The following ATP2B2 variants were observed in gnomAD, a reference collection of about 807,000 sequenced individuals.
The protein encoded by ATP2B2 is plasma membrane calcium-transporting ATPase 2.
ATP2B2 carries 15 observed loss-of-function variants against 120.0 expected under a neutral mutation model. That is an observed-to-expected ratio of 0.12 (90% CI 0.08 to 0.19). The LOEUF (loss-of-function observed/expected upper bound fraction) is 0.19. Among genes scored for constraint, ATP2B2 ranks in the 10% least tolerant of loss-of-function variants. ATP2B2 has a pLI of 1.00. For missense variants in ATP2B2, 1,045 were observed against 1,719.8 expected, an observed-to-expected ratio of 0.61 and a Z score of 6.94; for synonymous variants, 694 against 700.3, an observed-to-expected ratio of 0.99 and a Z score of 0.14.
intron 1 of ATP2B2, among the ~76,000 whole-genome samples, chr3:10,642,542 C>A (rs1396978935): frequency 6.6e-6 from 1 of 152,188 alleles, no homozygotes; most frequent in Non-Finnish European, 1.5e-5. Context: ...CACACACGTA[C>A]ACACAATGTC....
intron 1 of ATP2B2, among the ~76,000 whole-genome samples, chr3:10,667,420 T>TA (rs903428660): frequency 4.6e-5 from 7 of 152,088 alleles, no homozygotes; most frequent in African/African-American, 1.7e-4. Flanking sequence ...CCTTTCTTCA[T>TA]AAAAATCCCC....
At chr3:10,487,075 T>C (rs1339261347) in intron 1 of ATP2B2, among the ~76,000 whole-genome samples, 3 of 152,196 alleles carry the variant, frequency 2.0e-5, no homozygotes, top group African/African-American at 7.2e-5. Context: ...TCCTCTGTCT[T>C]GTTTACCACT....
chr3:10,365,357 G>A (rs2061013421), intron 12 of ATP2B2, among the ~76,000 whole-genome samples: 1 of 152,190 alleles, frequency 6.6e-6, no homozygotes, highest in East Asian at 1.9e-4. Flanking sequence ...CAGGACCCCA[G>A]GTGGCACGAA....
chr3:10,571,440 G>A, intron 2 of ATP2B2, among the ~76,000 whole-genome samples: 1 of 152,246 alleles, frequency 6.6e-6, no homozygotes, highest in East Asian at 1.9e-4. Context: ...AGTCCCTAGA[G>A]GTAGGTTGCC....
At chr3:10,553,434 G>A (rs1559455226) in intron 2 of ATP2B2, among the ~76,000 whole-genome samples, 6 of 152,174 alleles carry the variant, frequency 3.9e-5, no homozygotes, top group Non-Finnish European at 8.8e-5. Flanking sequence ...TGGGATTGAG[G>A]GCTGGAAGTG....
In ATP2B2 at chr3:10,701,615, A is replaced by AT. The variant is rs1203099332; in HGVS notation, c.-460+6299dup. Among the ~76,000 whole-genome samples the AT allele has an allele frequency of 9.3e-3, 1,323 of 142,914 alleles. 10 individuals carry two copies. Among genetic ancestry groups the AT allele is most frequent in the African/African-American group, 0.024 (928 of 39,154 alleles). The allele number at this position is 142,914 out of a possible 152,430, so 93.8% of individuals were successfully genotyped here. The stretch of plus-strand genomic sequence containing the variant: ...CTATGTGCCCAGGTCTGAGGATGCA[A>AT]TTTTTTTTTTTTTTTAAGACAAGAC... On this transcript the variant is annotated intron_variant, in intron 1 of 21. Transcript: ENST00000646379.
Position 10,352,113 on chromosome 3 carries a change from A to T in ATP2B2, c.2137-1536T>A, listed in dbSNP as rs535398085. Among the ~76,000 whole-genome samples, 12 of 152,326 alleles carry T rather than the reference A, an allele frequency of 7.9e-5. No individual in the cohort carries two copies. In the South Asian group the frequency reaches 2.5e-3, roughly 32 times the overall value. ...GCCTTCAGCAATGGTAAAAACAAGG[A>T]ATCGGCCTTGACTATCTCGCCTGTA... On this transcript the variant is annotated intron_variant, in intron 14 of 22. Transcript: ENST00000360273.
chr3:10,637,782 C>T (rs942426230), intron 1 of ATP2B2, among the ~76,000 whole-genome samples: 3 of 152,004 alleles, frequency 2.0e-5, no homozygotes, highest in Admixed American at 6.6e-5. Context: ...TATAAACACA[C>T]AGGCCTAAGA....
At chr3:10,637,756 C>T (rs1162615349) in intron 1 of ATP2B2, among the ~76,000 whole-genome samples, 1 of 152,000 alleles carries the variant, frequency 6.6e-6, no homozygotes, top group Admixed American at 6.6e-5. Context: ...GAAAATTTTC[C>T]AAATTTGATA....
chr3:10,458,227 G>A (rs960176554), intron 1 of ATP2B2, among the ~76,000 whole-genome samples: 6 of 152,098 alleles, frequency 3.9e-5, no homozygotes, highest in Non-Finnish European at 8.8e-5. Flanking sequence ...CCCGGGCACT[G>A]GGACTATGAG....
intron 1 of ATP2B2, among the ~76,000 whole-genome samples, chr3:10,658,097 A>G (rs1255500381): frequency 6.6e-6 from 1 of 152,276 alleles, no homozygotes; most frequent in African/African-American, 2.4e-5. Flanking sequence ...CCCCATCTGT[A>G]CGTCACCATC....
chr3:10,340,461 C>A lies in ATP2B2; in HGVS notation c.3129+32G>T. On this transcript the variant is annotated intron_variant, in intron 20 of 22. Coordinates refer to ENST00000360273, the MANE Select transcript of ATP2B2 (RefSeq NM_001001331.4). This position sits in a 1 kb window ranked among gnomAD's most constrained non-coding sequence, Gnocchi z 5.0. ...GGGGCTCCAGCCGCTTGCTGCCCAC[C>A]CCGGGCCTGGTTAGGGTGGGGGCCT... The A allele has an allele frequency of 6.2e-7, 1 of 1,614,120 alleles. No individual in the cohort carries two copies. The highest frequency in any genetic ancestry group is 8.5e-7 in the Non-Finnish European group (1 of 1,179,974).
chr3:10,422,101 C>T (rs1575180142), intron 2 of ATP2B2, among the ~76,000 whole-genome samples: 1 of 152,300 alleles, frequency 6.6e-6, no homozygotes, highest in African/African-American at 2.4e-5. Context: ...CCACCATCCC[C>T]TAGAGGGAGG....
intron 3 of ATP2B2, among the ~76,000 whole-genome samples, chr3:10,525,547 A>G (rs1256629400): frequency 2.0e-5 from 3 of 151,624 alleles, no homozygotes; most frequent in African/African-American, 7.3e-5. Context: ...CTTTATTCAC[A>G]TTTCCTCTGT....
intron 2 of ATP2B2, among the ~76,000 whole-genome samples, chr3:10,610,248 C>A (rs1181061520): frequency 6.6e-6 from 1 of 151,718 alleles, no homozygotes; most frequent in Non-Finnish European, 1.5e-5. Flanking sequence ...GTCTGATGAT[C>A]ACATTCCTTG....
At chr3:10,528,271 A>G (rs990852051) in intron 3 of ATP2B2, among the ~76,000 whole-genome samples, 1 of 152,026 alleles carries the variant, frequency 6.6e-6, no homozygotes, top group Non-Finnish European at 1.5e-5. Context: ...ATCTGGCCCA[A>G]CCCAAGGAAG....
intron 1 of ATP2B2, among the ~76,000 whole-genome samples, chr3:10,644,021 T>C (rs1216393594): frequency 1.3e-5 from 2 of 152,206 alleles, no homozygotes; most frequent in African/African-American, 4.8e-5. Context: ...TTGCAGATCA[T>C]TGATCTGATA....
rs544984610 is a variant in ATP2B2, at chr3:10,402,606, A to G, written c.398-258T>C. ...AGAGGTCAGGTGACTTGCCCAAGCA[A>G]TGAAGGGCAAGTAGGAAGCTGGAAT... On this transcript the variant is annotated intron_variant, in intron 3 of 22. Transcript: ENST00000360273. This position sits in a 1 kb window ranked among gnomAD's most constrained non-coding sequence, Gnocchi z 4.9. Among the ~76,000 whole-genome samples the G allele has an allele frequency of 2.6e-5, 4 of 152,398 alleles. No homozygotes were observed. The South Asian group carries it at 6.2e-4, about 24-fold the overall frequency.
intron 6 of ATP2B2, among the ~76,000 whole-genome samples, chr3:10,387,042 C>T (rs977011532): frequency 1.3e-5 from 2 of 152,312 alleles, no homozygotes; most frequent in South Asian, 4.1e-4. Context: ...GTACAGGCTG[C>T]TGCATCCTGC....
Sources: allele counts gnomAD v4.1 joint callset (sites outside exome capture counted in the v4.1 genomes callset), GRCh38; gene constraint gnomAD v4.1.1; non-coding constraint Gnocchi (gnomAD v3.1); transcripts MANE v1.5; gene names NCBI Gene and HGNC (gene_info 2026-07-23, HGNC 2026-07-21).